Variants in PHF21B observed in about 807,000 individuals in gnomAD.
PHF21B encodes PHD finger protein 21B.
PHF21B carries 22 observed loss-of-function variants against 62.2 expected under a neutral mutation model. The observed-to-expected ratio is 0.35, with a 90% CI of 0.25 to 0.51. PHF21B has a LOEUF of 0.51. PHF21B is among the 20% of genes least tolerant of loss of function. The pLI is 0.97. For synonymous variants in PHF21B, 341 were observed against 314.7 expected (o/e 1.08, Z -0.88); for missense variants, 701 against 707.9 (o/e 0.99, Z 0.11).
At chr22:45,006,106 C>A (rs1432613542) in intron 2 of PHF21B, among the ~76,000 whole-genome samples, 4 of 152,166 alleles carry the variant, frequency 2.6e-5, no homozygotes, top group Non-Finnish European at 4.4e-5. Context: ...TGAAAGATTT[C>A]AACGCAGAGC....
intron 2 of PHF21B, among the ~76,000 whole-genome samples, chr22:44,944,577 A>G (rs2072026098): frequency 6.6e-6 from 1 of 152,204 alleles, no homozygotes; most frequent in African/African-American, 2.4e-5. Context: ...ATTTCCTAAG[A>G]TGCCAGGCCA....
intron 2 of PHF21B, among the ~76,000 whole-genome samples, chr22:44,935,876 C>T (rs988211348): frequency 3.9e-5 from 6 of 152,050 alleles, no homozygotes; most frequent in Non-Finnish European, 5.9e-5. Context: ...TGTCTCTGCC[C>T]GCCTCGGGGA....
At chr22:44,890,903 G>A (rs1348114863) in intron 8 of PHF21B, among the ~76,000 whole-genome samples, 1 of 152,242 alleles carries the variant, frequency 6.6e-6, no homozygotes, top group African/African-American at 2.4e-5. Context: ...AATGCCCAGA[G>A]CAGGCACAAG....
At chr22:44,980,829 G>A (rs1426224008) in intron 2 of PHF21B, among the ~76,000 whole-genome samples, 3 of 152,126 alleles carry the variant, frequency 2.0e-5, no homozygotes, top group African/African-American at 4.8e-5. Flanking sequence ...TGCCCTCTCC[G>A]TCTAACCCGG....
chr22:45,008,539 GCTTA>G lies in PHF21B; in HGVS notation c.120+2_120+5del, dbSNP rs745552911. 26 of 1,573,124 alleles carry G rather than the reference GCTTA, an allele frequency of 1.7e-5. No homozygotes were observed. The highest frequency in any genetic ancestry group is 7.4e-5 in the Admixed American group (4 of 54,026). On this transcript the variant is annotated splice_donor_variant and splice_donor_5th_base_variant and intron_variant, in intron 2 of 12. Transcript: ENST00000313237. LOFTEE classifies it high-confidence loss of function. ...TCCCAGGGGGGGCCGCGATCCCATC[GCTTA>G]CTTGTTTGTCGCTGAGCGCGGCGAT...
chr22:44,900,386 C>T (rs1382596239), intron 5 of PHF21B, among the ~76,000 whole-genome samples: 1 of 152,218 alleles, frequency 6.6e-6, no homozygotes, highest in South Asian at 2.1e-4. Context: ...CTGCAACCTC[C>T]ACCTCCCAGA....
chr22:44,918,770 T>G (rs2071484174), intron 3 of PHF21B, among the ~76,000 whole-genome samples: 1 of 152,030 alleles, frequency 6.6e-6, no homozygotes, highest in South Asian at 2.1e-4. Flanking sequence ...GAGACAGAGG[T>G]CCAGGCGGAA....
chr22:44,891,262 C>T (rs757029475), intron 8 of PHF21B, 44 bp downstream of exon 8: 105 of 1,605,752 alleles, frequency 6.5e-5, no homozygotes, highest in Middle Eastern at 1.6e-4. Flanking sequence ...TGACTCCCCG[C>T]GGCCCTGAGC....
intron 2 of PHF21B, among the ~76,000 whole-genome samples, chr22:44,941,575 T>C (rs2071957776): frequency 6.6e-6 from 1 of 152,228 alleles, no homozygotes; most frequent in Admixed American, 6.5e-5. Context: ...TCTGACGTTG[T>C]GGTGGGCACA....
At chr22:44,981,586 G>A (rs1005768441) in intron 2 of PHF21B, among the ~76,000 whole-genome samples, 1 of 152,242 alleles carries the variant, frequency 6.6e-6, no homozygotes, top group Non-Finnish European at 1.5e-5. Flanking sequence ...AAGACTCAGA[G>A]ATGCTAAGTG....
chr22:44,974,141 C>T (rs894171245), intron 2 of PHF21B, among the ~76,000 whole-genome samples: 2 of 152,094 alleles, frequency 1.3e-5, no homozygotes, highest in Non-Finnish European at 2.9e-5. Flanking sequence ...CGGCCAGGTG[C>T]GGTGGCTCAC....
chr22:44,930,343 AC>A (rs1195915274), intron 2 of PHF21B, among the ~76,000 whole-genome samples: 1 of 152,110 alleles, frequency 6.6e-6, no homozygotes, highest in East Asian at 1.9e-4. Flanking sequence ...AAACTGCCCA[AC>A]CTCCCTGTTT....
intron 2 of PHF21B, among the ~76,000 whole-genome samples, chr22:44,965,492 C>T (rs2072507984): frequency 6.6e-6 from 1 of 151,936 alleles, no homozygotes; most frequent in African/African-American, 2.4e-5. Context: ...CTGCACGGCC[C>T]TGGTCCTCCT....
At chr22:44,994,057 A>G (rs1243774060) in intron 2 of PHF21B, among the ~76,000 whole-genome samples, 1 of 152,218 alleles carries the variant, frequency 6.6e-6, no homozygotes, top group African/African-American at 2.4e-5. Context: ...CTGTGAGAGA[A>G]GGACAGGGAG....
chr22:44,936,666 GAC>G (rs1211720586), intron 2 of PHF21B, among the ~76,000 whole-genome samples: 1 of 152,076 alleles, frequency 6.6e-6, no homozygotes, highest in Non-Finnish European at 1.5e-5. Context: ...TAATATCTTG[GAC>G]ATATTGGATT....
At chr22:44,928,130 G>T (rs1301736394) in intron 2 of PHF21B, among the ~76,000 whole-genome samples, 1 of 152,084 alleles carries the variant, frequency 6.6e-6, no homozygotes, top group Non-Finnish European at 1.5e-5. Flanking sequence ...CTTGGCTCTG[G>T]AGCTCTGCCA....
At chr22:44,939,460 T>C (rs2071913372) in intron 2 of PHF21B, among the ~76,000 whole-genome samples, 1 of 152,188 alleles carries the variant, frequency 6.6e-6, no homozygotes, top group South Asian at 2.1e-4. Flanking sequence ...ACTGAGCAAA[T>C]GCCAAGGTTC....
intron 2 of PHF21B, among the ~76,000 whole-genome samples, chr22:44,960,344 A>C (rs1344138434): frequency 1.3e-5 from 2 of 152,190 alleles, no homozygotes; most frequent in African/African-American, 4.8e-5. Flanking sequence ...ACTGCCCGAA[A>C]AATGAGAAAA....
chr22:45,002,903 C>G (rs1400470376), intron 2 of PHF21B: 1 of 152,288 alleles, frequency 6.6e-6, no homozygotes, highest in South Asian at 2.1e-4. Context: ...TTTCCCTTGA[C>G]AAGCTTGGCC....
Sources: allele counts gnomAD v4.1 joint callset (sites outside exome capture counted in the v4.1 genomes callset), GRCh38; gene constraint gnomAD v4.1.1; transcripts MANE v1.5; gene names NCBI Gene and HGNC (gene_info 2026-07-23, HGNC 2026-07-21).